Variants in SGMS1 observed in about 807,000 individuals in gnomAD.
SGMS1 encodes the protein sphingomyelin synthase 1, also known as phosphatidylcholine:ceramide cholinephosphotransferase 1.
SGMS1 carries 13 observed loss-of-function variants against 46.2 expected under a neutral mutation model. The ratio of observed to expected loss-of-function variants is 0.28; its 90% confidence interval spans 0.18 to 0.45. The LOEUF (loss-of-function observed/expected upper bound fraction) is 0.45, where lower values mean the gene tolerates loss of function less well. Ranked by LOEUF, SGMS1 falls within the 20% of genes least tolerant of loss-of-function variation. The pLI is 1.00. For synonymous variants in SGMS1, 203 were observed against 187.8 expected, an observed-to-expected ratio of 1.08 and a Z score of -0.66; for missense variants, 324 against 519.9, an observed-to-expected ratio of 0.62 and a Z score of 3.66.
At chr10:50,324,357 G>C (rs757632684) in intron 8 of SGMS1, among the ~76,000 whole-genome samples, 2 of 152,160 alleles carry the variant, frequency 1.3e-5, no homozygotes, top group Non-Finnish European at 2.9e-5. Context: ...TCTGTACAAT[G>C]GTTCAGAGAG....
chr10:50,381,812 C>G (rs975662180), intron 6 of SGMS1, among the ~76,000 whole-genome samples: 8 of 152,190 alleles, frequency 5.3e-5, no homozygotes, highest in African/African-American at 1.9e-4. Flanking sequence ...ATCCCTTGAC[C>G]TTCTCTATCT....
At chr10:50,511,926 A>G (rs1837759570) in intron 3 of SGMS1, among the ~76,000 whole-genome samples, 1 of 152,178 alleles carries the variant, frequency 6.6e-6, no homozygotes, top group South Asian at 2.1e-4. Context: ...CTATACTAAT[A>G]ATCTCAGAAG....
intron 3 of SGMS1, among the ~76,000 whole-genome samples, chr10:50,499,600 T>C (rs1210829320): frequency 2.0e-5 from 3 of 152,212 alleles, no homozygotes; most frequent in Non-Finnish European, 4.4e-5. Flanking sequence ...TAAACATAAA[T>C]ATTCTTTTCC....
chr10:50,624,618 C>A (rs1432172918), upstream of SGMS1: 5 of 985,318 alleles, frequency 5.1e-6, no homozygotes, highest in African/African-American at 8.7e-5. Context: ...CTTCCGCCGC[C>A]CCTCCGAGCT....
intron 6 of SGMS1, among the ~76,000 whole-genome samples, chr10:50,373,422 T>C (rs1848473190): frequency 6.6e-6 from 1 of 152,188 alleles, no homozygotes; most frequent in Non-Finnish European, 1.5e-5. Flanking sequence ...TCTGGATGCA[T>C]TAATACCCAA....
chr10:50,614,963 TCAA>T (rs1222857972), intron 1 of SGMS1, among the ~76,000 whole-genome samples: 10 of 152,232 alleles, frequency 6.6e-5, no homozygotes, highest in Non-Finnish European at 1.5e-4. Flanking sequence ...CAGTTAGCCA[TCAA>T]CAAGTGTGAA....
intron 9 of SGMS1, 136 bp from the exon 10 acceptor site, chr10:50,308,284 G>T: frequency 1.4e-6 from 1 of 738,148 alleles, no homozygotes; most frequent in Non-Finnish European, 2.1e-6. Flanking sequence ...GAATCTAAGG[G>T]CTGTCATTTA....
At position 50,526,898 on chromosome 10, in the gene SGMS1, C is replaced by T. The variant is rs567801711; in HGVS notation, c.-588-6977G>A. On this transcript the variant is annotated intron_variant, in intron 2 of 10. Transcript: ENST00000361781. Reference sequence around the variant, plus strand: ...TGGCCAACATGGTGAAACCCTGTCTCTACTAAAAATACAAAAATTAGCTGG... The same window carrying T: ...TGGCCAACATGGTGAAACCCTGTCTTTACTAAAAATACAAAAATTAGCTGG... 2.0e-5 allele frequency among the ~76,000 whole-genome samples: 3 copies of T among 151,910 alleles called. No homozygotes were observed. The South Asian group carries it at 6.3e-4, about 32-fold the overall frequency.
chr10:50,426,025 A>T (rs1298687903), intron 6 of SGMS1, among the ~76,000 whole-genome samples: 1 of 152,232 alleles, frequency 6.6e-6, no homozygotes, highest in East Asian at 1.9e-4. Context: ...TCACCAGGAT[A>T]TTAATTAAAA....
intron 2 of SGMS1, among the ~76,000 whole-genome samples, chr10:50,555,024 C>T (rs1470950256): frequency 6.6e-6 from 1 of 152,164 alleles, no homozygotes; most frequent in African/African-American, 2.4e-5. Flanking sequence ...CACCTCTAAC[C>T]ATATAGGAAA....
intron 2 of SGMS1, among the ~76,000 whole-genome samples, chr10:50,543,275 T>A (rs1215282466): frequency 6.6e-6 from 1 of 152,176 alleles, no homozygotes. Flanking sequence ...CTTGGAATTA[T>A]GGAAAGGAAA....
At chr10:50,351,976 T>C (rs1241449770) in intron 6 of SGMS1, among the ~76,000 whole-genome samples, 1 of 152,222 alleles carries the variant, frequency 6.6e-6, no homozygotes, top group East Asian at 1.9e-4. Context: ...AAATATATAC[T>C]GAAGCTGCCA....
At chr10:50,564,197 C>G (rs1341117242) in intron 2 of SGMS1, among the ~76,000 whole-genome samples, 2 of 152,154 alleles carry the variant, frequency 1.3e-5, no homozygotes, top group East Asian at 1.9e-4. Context: ...CAGTGTGAGA[C>G]AGAAAACACA....
At chr10:50,542,970 C>T (rs1838068880) in intron 2 of SGMS1, among the ~76,000 whole-genome samples, 1 of 151,864 alleles carries the variant, frequency 6.6e-6, no homozygotes, top group South Asian at 2.1e-4. Flanking sequence ...TAGACTTGGA[C>T]CTGCTTCCTT....
intron 6 of SGMS1, among the ~76,000 whole-genome samples, chr10:50,417,384 A>G (rs1470741923): frequency 2.6e-5 from 4 of 151,292 alleles, no homozygotes; most frequent in Non-Finnish European, 5.9e-5. Flanking sequence ...CAGATTTCCT[A>G]TTTTGGTATA....
chr10:50,526,448 A>G (rs1240705852), intron 2 of SGMS1, among the ~76,000 whole-genome samples: 1 of 152,196 alleles, frequency 6.6e-6, no homozygotes, highest in Non-Finnish European at 1.5e-5. Context: ...GGGTGTGGAC[A>G]CAGAGCTAAA....
At chr10:50,421,530 A>G (rs1849254259) in intron 6 of SGMS1, among the ~76,000 whole-genome samples, 1 of 152,204 alleles carries the variant, frequency 6.6e-6, no homozygotes, top group Admixed American at 6.5e-5. Context: ...TTCCTTAAAC[A>G]GACCGTTCAG....
At chr10:50,380,378 CAAAA>C (rs10646459) in intron 6 of SGMS1, among the ~76,000 whole-genome samples, 1 of 121,508 alleles carries the variant, frequency 8.2e-6, no homozygotes. Context: ...GACTCTGTAT[CAAAA>C]AAAAAAAAAA....
chr10:50,497,083 T>C (rs995248732), intron 3 of SGMS1, among the ~76,000 whole-genome samples: 1 of 152,198 alleles, frequency 6.6e-6, no homozygotes, highest in Non-Finnish European at 1.5e-5. Context: ...ACAGCTCTAC[T>C]GTCATTAGAA....
Sources: allele counts gnomAD v4.1 joint callset (sites outside exome capture counted in the v4.1 genomes callset), GRCh38; gene constraint gnomAD v4.1.1; transcripts MANE v1.5; gene names NCBI Gene and HGNC (gene_info 2026-07-23, HGNC 2026-07-21).